MLLT10: variants seen among roughly 807,000 people sequenced by gnomAD.
MLLT10 encodes the protein protein AF-10.
A neutral mutation model predicts 129.1 loss-of-function variants in MLLT10; 30 were observed. That is an observed-to-expected ratio of 0.23 (90% CI 0.17 to 0.32). The LOEUF (loss-of-function observed/expected upper bound fraction) is 0.32. MLLT10 is among the 10% of genes least tolerant of loss of function. MLLT10 has a pLI of 1.00. For missense variants in MLLT10, 1,119 were observed against 1,268.3 expected, an observed-to-expected ratio of 0.88 and a Z score of 1.79; for synonymous variants, 490 against 446.4, an observed-to-expected ratio of 1.10 and a Z score of -1.23.
chr10:21,727,482 G>A lies in MLLT10; in HGVS notation c.1991-374G>A, dbSNP rs73592602. On this transcript the variant is annotated intron_variant, in intron 15 of 22. Transcript: ENST00000307729. ...AAGTGTTAAAAAATACAAAGCATAC[G>A]GATTTGCTGTGATAAGCATACAGAT... is the stretch of plus-strand genomic sequence containing the variant. Among the ~76,000 whole-genome samples the A allele has an allele frequency of 1.3e-3, 197 of 152,120 alleles. 1 individual carries two copies. Among genetic ancestry groups the A allele is most frequent in the African/African-American group, 4.1e-3 (172 of 41,514 alleles).
intron 3 of MLLT10, among the ~76,000 whole-genome samples, chr10:21,560,873 G>A (rs1434733850): frequency 2.6e-5 from 4 of 152,150 alleles, no homozygotes; most frequent in Non-Finnish European, 5.9e-5. Context: ...CCATTTGTGT[G>A]TATTCTTTGG....
intron 9 of MLLT10, among the ~76,000 whole-genome samples, chr10:21,665,308 G>GTAA (rs942880017): frequency 7.3e-6 from 1 of 136,528 alleles, no homozygotes; most frequent in Non-Finnish European, 1.6e-5. Flanking sequence ...TTTTGGGGGG[G>GTAA]GGGGGGTTTC....
At chr10:21,622,542 T>A (rs2045989791) in intron 8 of MLLT10, among the ~76,000 whole-genome samples, 1 of 152,162 alleles carries the variant, frequency 6.6e-6, no homozygotes, top group Non-Finnish European at 1.5e-5. Flanking sequence ...TAAAATCAAT[T>A]AAAGCTGTGC....
rs929971187 is a variant in MLLT10 at position 21,692,001 on chromosome 10, CAAAAAAA to C, written c.1699+9761_1699+9767del. Among the ~76,000 whole-genome samples the C allele has an allele frequency of 7.7e-3, 385 of 50,158 alleles. 3 individuals are homozygous for C. Among genetic ancestry groups the C allele is most frequent in the Middle Eastern group, 0.059 (6 of 102 alleles). 32.9% of individuals were successfully genotyped at this position (50,158 alleles called of 152,430 possible). On this transcript the variant is annotated intron_variant, in intron 13 of 22. Coordinates refer to ENST00000307729, the MANE Select transcript of MLLT10 (RefSeq NM_001195626.3). ...CCATCATGGTGAAACCTCATATCTA[CAAAAAAA>C]AAAAAAAAAAAAAAAAGAGCCAGGT...
At chr10:21,534,212 A>T (rs1265234483), upstream of MLLT10, 1 of 393,322 alleles carries the variant, frequency 2.5e-6, no homozygotes, top group African/African-American at 2.1e-5. Flanking sequence ...CTCCTCCCTC[A>T]CGCCGGCCGC....
At chr10:21,682,738 T>A (rs1273040916) in intron 13 of MLLT10, among the ~76,000 whole-genome samples, 1 of 152,196 alleles carries the variant, frequency 6.6e-6, no homozygotes, top group Non-Finnish European at 1.5e-5. Flanking sequence ...GGGACCAGGT[T>A]TTTTACAGTG....
At chr10:21,711,228 G>A (rs2056053633) in intron 13 of MLLT10, among the ~76,000 whole-genome samples, 1 of 152,124 alleles carries the variant, frequency 6.6e-6, no homozygotes, top group Non-Finnish European at 1.5e-5. Flanking sequence ...TTTGAGACCA[G>A]CCTGGCCGAC....
At chr10:21,719,869 ATTGGAAATAGTATTAACAATTTCTGT>A (rs1201593410) in intron 14 of MLLT10, among the ~76,000 whole-genome samples, 1 of 152,228 alleles carries the variant, frequency 6.6e-6, no homozygotes, top group African/African-American at 2.4e-5. Context: ...CACTTCCTGT[ATTGGAAATAGTATTAACAATTTCTGT>A]TAAAACTCAT....
intron 13 of MLLT10, among the ~76,000 whole-genome samples, chr10:21,710,186 T>C (rs1332365386): frequency 6.6e-6 from 1 of 152,250 alleles, no homozygotes; most frequent in African/African-American, 2.4e-5. Context: ...CTCTTGATCA[T>C]GCTGAGAACT....
Position 21,536,523 on chromosome 10 carries a change from A to C in MLLT10, c.160+1719A>C, listed in dbSNP as rs1294750543. On this transcript the variant is annotated intron_variant, in intron 2 of 22. Transcript: ENST00000307729. ...TTTGGGCAATGATGCTGTGTTTTGG[A>C]CACCTATGCTGTGTTTTTTGACGGA... Among the ~76,000 whole-genome samples the C allele has an allele frequency of 2.0e-5, 3 of 152,314 alleles. No homozygotes were observed. In the East Asian group the frequency reaches 5.8e-4, roughly 29 times the overall value.
chr10:21,574,349 T>C (rs2040513276), intron 3 of MLLT10, among the ~76,000 whole-genome samples: 1 of 152,178 alleles, frequency 6.6e-6, no homozygotes, highest in African/African-American at 2.4e-5. Context: ...GTATTCTTCC[T>C]ATTTAAAAAA....
At chr10:21,738,997 A>G (rs1038348447) in intron 21 of MLLT10, among the ~76,000 whole-genome samples, 1 of 152,082 alleles carries the variant, frequency 6.6e-6, no homozygotes, top group African/African-American at 2.4e-5. Flanking sequence ...CTTAAAAGAC[A>G]TTTCAAACAT....
chr10:21,604,444 G>T (rs1318770638), intron 5 of MLLT10, among the ~76,000 whole-genome samples: 1 of 152,064 alleles, frequency 6.6e-6, no homozygotes, highest in Non-Finnish European at 1.5e-5. Context: ...GCAAAAATTA[G>T]CGAGGTGTAG....
At position 21,535,468 on chromosome 10, in the gene MLLT10, G is replaced by A. The variant is rs2033791973; in HGVS notation, c.160+664G>A. Reference sequence around the variant, plus strand: ...GAGTGGCGGGGCTGCTGCAGCGCCTGTGGGGTGGCCGCGGCAGGCCACCAC... The same window carrying A: ...GAGTGGCGGGGCTGCTGCAGCGCCTATGGGGTGGCCGCGGCAGGCCACCAC... On this transcript the variant is annotated intron_variant, in intron 2 of 22. Transcript: ENST00000307729. Among the ~76,000 whole-genome samples the A allele has an allele frequency of 2.6e-5, 4 of 152,142 alleles. 1 individual carries two copies. In the South Asian group the frequency reaches 8.3e-4, roughly 31 times the overall value.
intron 11 of MLLT10, among the ~76,000 whole-genome samples, chr10:21,675,780 G>T (rs983860938): frequency 1.3e-5 from 2 of 152,130 alleles, no homozygotes; most frequent in African/African-American, 4.8e-5. Flanking sequence ...CTGTAGTTTT[G>T]AAGCATAGTC....
chr10:21,722,423 C>A (rs1308520442), intron 14 of MLLT10, among the ~76,000 whole-genome samples: 1 of 152,092 alleles, frequency 6.6e-6, no homozygotes, highest in African/African-American at 2.4e-5. Flanking sequence ...TTTCAAAATC[C>A]GTTTCCAAAG....
Position 21,663,909 on chromosome 10 carries a change from T to C in MLLT10, c.796-6540T>C, listed in dbSNP as rs11012767. On this transcript the variant is annotated intron_variant, in intron 9 of 22. Transcript: ENST00000307729. ...CCTCTCAATTCACTGATATAAGAGT[T>C]GGTGATTTTCAGTTTGTTGAGTTTT... Among the ~76,000 whole-genome samples the C allele has an allele frequency of 5.9e-5, 9 of 152,258 alleles. No homozygotes were observed. The East Asian group carries it at 1.7e-3, about 29-fold the overall frequency.
At chr10:21,583,189 T>G (rs1417376565) in intron 3 of MLLT10, among the ~76,000 whole-genome samples, 1 of 151,864 alleles carries the variant, frequency 6.6e-6, no homozygotes, top group Non-Finnish European at 1.5e-5. Flanking sequence ...TAAAATAAAG[T>G]GTTTATGTAG....
intron 13 of MLLT10, among the ~76,000 whole-genome samples, chr10:21,705,877 C>T (rs970883449): frequency 2.0e-5 from 3 of 152,110 alleles, no homozygotes; most frequent in Admixed American, 2.0e-4. Flanking sequence ...CTCGCAGTTC[C>T]TTATGTTTAT....
Sources: allele counts gnomAD v4.1 joint callset (sites outside exome capture counted in the v4.1 genomes callset), GRCh38; gene constraint gnomAD v4.1.1; transcripts MANE v1.5; gene names NCBI Gene and HGNC (gene_info 2026-07-23, HGNC 2026-07-21).